MAN1A2: variants seen among roughly 807,000 people sequenced by gnomAD.
The protein encoded by MAN1A2 is mannosidase alpha class 1A member 2.
A neutral mutation model predicts 75.7 loss-of-function variants in MAN1A2; 26 were observed. That is an observed-to-expected ratio of 0.34 (90% CI 0.25 to 0.48). The LOEUF is 0.48. Ranked by LOEUF, MAN1A2 falls within the 20% of genes least tolerant of loss-of-function variation. The pLI is 0.99. For missense variants in MAN1A2, 562 were observed against 775.5 expected (o/e 0.72, Z 3.27); for synonymous variants, 247 against 264.6 (o/e 0.93, Z 0.65).
rs1188770675 is a variant in MAN1A2 at position 117,498,662 on chromosome 1, C to CA, written c.1505-714dup. Among the ~76,000 whole-genome samples, 3 of 151,662 alleles carry CA rather than the reference C, an allele frequency of 2.0e-5. No homozygotes were observed. In the East Asian group the frequency reaches 5.9e-4, roughly 30 times the overall value. On this transcript the variant is annotated intron_variant, in intron 10 of 12. Coordinates refer to ENST00000356554, the MANE Select transcript of MAN1A2 (RefSeq NM_006699.5). ...CATGACCCTCTTTGTTATGGTAAAC[C>CA]AAAAAATGATTATTTGATTTGTGTC...
intron 4 of MAN1A2, among the ~76,000 whole-genome samples, chr1:117,416,540 T>C (rs1477560370): frequency 6.6e-6 from 1 of 152,186 alleles, no homozygotes; most frequent in Non-Finnish European, 1.5e-5. Context: ...TTGTATATCA[T>C]TATTATCAGT....
At chr1:117,433,465 T>C (rs1372322056) in intron 5 of MAN1A2, among the ~76,000 whole-genome samples, 2 of 152,196 alleles carry the variant, frequency 1.3e-5, no homozygotes, top group African/African-American at 4.8e-5. Context: ...TTAAAATGTT[T>C]TTACCCAAGG....
At chr1:117,404,089 A>G (rs2101756679) in intron 2 of MAN1A2, among the ~76,000 whole-genome samples, 1 of 152,172 alleles carries the variant, frequency 6.6e-6, no homozygotes, top group Non-Finnish European at 1.5e-5. Context: ...TTTGGATGTT[A>G]AATTAGTCTT....
chr1:117,499,356 C>A, intron 10 of MAN1A2, 26 bp from the exon 11 acceptor site: 1 of 1,495,862 alleles, frequency 6.7e-7, no homozygotes, highest in South Asian at 1.4e-5. Context: ...TTATTTTGCT[C>A]AGTTATTTCT....
intron 5 of MAN1A2, among the ~76,000 whole-genome samples, chr1:117,431,658 A>C (rs1648663441): frequency 6.6e-6 from 1 of 152,230 alleles, no homozygotes; most frequent in African/African-American, 2.4e-5. Flanking sequence ...TAGAAATAGT[A>C]CAGAGTATGG....
chr1:117,509,794 T>C (rs1027063072), intron 12 of MAN1A2, among the ~76,000 whole-genome samples: 3 of 140,570 alleles, frequency 2.1e-5, no homozygotes, highest in African/African-American at 8.0e-5. Context: ...ACGAGTTAAA[T>C]AGTGCAGAAC....
Position 117,526,880 on chromosome 1 carries a change from C to CTCTCTA in MAN1A2, c.*3924_*3925insCTCTAT. ...TCTCTCTCTCTCTCTCTCTCTCTCT[C>CTCTCTA]TATATATATATATATATATATATAT... On this transcript the variant is annotated 3_prime_UTR_variant, in exon 13 of 13. Coordinates refer to ENST00000356554, the MANE Select transcript of MAN1A2 (RefSeq NM_006699.5). The CTCTCTA allele has an allele frequency of 7.7e-3, 419 of 54,460 alleles. No homozygotes were observed. The highest frequency in any genetic ancestry group is 0.015 in the Middle Eastern group (1 of 68). 3.4% of individuals were successfully genotyped at this position (54,460 alleles called of 1,614,324 possible).
chr1:117,458,584 C>T (rs1049635421), intron 6 of MAN1A2, among the ~76,000 whole-genome samples: 23 of 142,844 alleles, frequency 1.6e-4, no homozygotes, highest in African/African-American at 4.2e-4. Flanking sequence ...AATGCAATGG[C>T]GCAATCTTGG....
chr1:117,444,153 C>T (rs1008986845), intron 6 of MAN1A2, among the ~76,000 whole-genome samples: 11 of 152,036 alleles, frequency 7.2e-5, no homozygotes, highest in South Asian at 2.1e-4. Flanking sequence ...CATGGAAATA[C>T]GATTCCAGGT....
chr1:117,525,185 A>G lies in MAN1A2; in HGVS notation c.*2228A>G. On this transcript the variant is annotated 3_prime_UTR_variant, in exon 13 of 13. Coordinates refer to ENST00000356554, the MANE Select transcript of MAN1A2 (RefSeq NM_006699.5). Reference sequence around the variant, plus strand: ...AGCTTAAGAGAAGGCAGGGAAGTATACAAGCAGAGCCAGTTCTGGTACAAA... The same window carrying G: ...AGCTTAAGAGAAGGCAGGGAAGTATGCAAGCAGAGCCAGTTCTGGTACAAA... 2 of 512,190 alleles carry G rather than the reference A, an allele frequency of 3.9e-6. No homozygotes were observed. The highest frequency in any genetic ancestry group is 1.5e-5 in the South Asian group (1 of 67,742). The allele number at this position is 512,190 out of a possible 1,614,324, so 31.7% of individuals were successfully genotyped here.
chr1:117,374,738 T>C (rs1653085153), intron 1 of MAN1A2, among the ~76,000 whole-genome samples: 1 of 152,324 alleles, frequency 6.6e-6, no homozygotes, highest in Admixed American at 6.5e-5. Context: ...AGGGAATTGA[T>C]TGAATCTTTA....
intron 5 of MAN1A2, among the ~76,000 whole-genome samples, chr1:117,429,813 A>C (rs1357431250): frequency 8.1e-3 from 232 of 28,796 alleles, no homozygotes; most frequent in Admixed American, 0.013. Flanking sequence ...GGGGGCCGAC[A>C]CCCCCACCTC....
intron 9 of MAN1A2, chr1:117,494,145 A>G (rs1430262452): frequency 6.6e-6 from 1 of 152,090 alleles, no homozygotes; most frequent in Non-Finnish European, 1.5e-5. Context: ...GTGGAACTGA[A>G]CAGTCTGGCT....
At chr1:117,450,595 C>A (rs568424232) in intron 6 of MAN1A2, among the ~76,000 whole-genome samples, 2 of 152,300 alleles carry the variant, frequency 1.3e-5, no homozygotes, top group East Asian at 3.9e-4. Context: ...CATCACAGGC[C>A]CAAGGCCTAG....
intron 4 of MAN1A2, 144 bp from the exon 5 acceptor site, chr1:117,420,425 T>C: frequency 1.6e-6 from 1 of 632,670 alleles, no homozygotes; most frequent in Non-Finnish European, 2.8e-6. Context: ...GAGGAGAGAT[T>C]GCAGTTGCAT....
At chr1:117,406,372 G>T (rs999241097) in intron 3 of MAN1A2, among the ~76,000 whole-genome samples, 9 of 152,060 alleles carry the variant, frequency 5.9e-5, no homozygotes, top group Non-Finnish European at 1.3e-4. Context: ...ATAGATGAAG[G>T]CAAGAAAATT....
intron 8 of MAN1A2, among the ~76,000 whole-genome samples, chr1:117,485,130 C>T (rs1570782384): frequency 1.3e-5 from 2 of 151,898 alleles, no homozygotes; most frequent in South Asian, 4.1e-4. Flanking sequence ...TTACAAGTTC[C>T]ATGCCATAAA....
intron 11 of MAN1A2, among the ~76,000 whole-genome samples, chr1:117,500,969 C>T (rs1484300507): frequency 1.3e-5 from 2 of 151,810 alleles, no homozygotes; most frequent in Non-Finnish European, 2.9e-5. Context: ...ATATTTAATG[C>T]TCCTTATTTA....
chr1:117,432,757 ACAT>A (rs1294979602), intron 5 of MAN1A2, among the ~76,000 whole-genome samples: 1 of 152,016 alleles, frequency 6.6e-6, no homozygotes, highest in South Asian at 2.1e-4. Context: ...CATAGCACTA[ACAT>A]CATAGCCTGA....
Sources: allele counts gnomAD v4.1 joint callset (sites outside exome capture counted in the v4.1 genomes callset), GRCh38; gene constraint gnomAD v4.1.1; transcripts MANE v1.5; gene names NCBI Gene and HGNC (gene_info 2026-07-23, HGNC 2026-07-21).